Variants in WEE1 observed in about 807,000 individuals in gnomAD.
WEE1 encodes WEE1 G2 checkpoint kinase.
In WEE1, 16 loss-of-function variants were observed where a neutral mutation model predicts 68.8. That is an observed-to-expected ratio of 0.23 (90% confidence interval 0.16 to 0.35). The LOEUF (loss-of-function observed/expected upper bound fraction) is 0.35, where lower values mean the gene tolerates loss of function less well. Among genes scored for constraint, WEE1 ranks in the 10% least tolerant of loss-of-function variants. WEE1 has a pLI of 1.00. For missense variants in WEE1, 651 were observed against 824.1 expected (o/e 0.79, Z 2.57); for synonymous variants, 349 against 318.7 (o/e 1.09, Z -1.01).
intron 10 of WEE1, among the ~76,000 whole-genome samples, chr11:9,587,442 G>T (rs1451124281): frequency 6.6e-6 from 1 of 152,192 alleles, no homozygotes; most frequent in African/African-American, 2.4e-5. Context: ...TAAAAGCTAA[G>T]CGAGCCTATA....
intron 10 of WEE1, 105 bp from the exon 11 acceptor site, chr11:9,588,344 G>T: frequency 1.4e-6 from 1 of 700,804 alleles, no homozygotes; most frequent in African/African-American, 1.8e-5. Flanking sequence ...TTACATCTTA[G>T]AATAATGATG....
At chr11:9,578,506 ACTAT>A (rs1409655376) in intron 5 of WEE1, 2 of 152,286 alleles carry the variant, frequency 1.3e-5, no homozygotes, top group East Asian at 3.8e-4. Flanking sequence ...TATTTATGTA[ACTAT>A]CACAACCTTA....
chr11:9,582,419 A>C (rs1849638126), intron 6 of WEE1, among the ~76,000 whole-genome samples: 1 of 152,220 alleles, frequency 6.6e-6, no homozygotes, highest in Admixed American at 6.5e-5. Context: ...ATTCAAGTTA[A>C]GCATCTTAGG....
chr11:9,585,234 CT>C, intron 6 of WEE1, 23 bp from the exon 7 acceptor site: 1 of 1,532,372 alleles, frequency 6.5e-7, no homozygotes, highest in South Asian at 1.1e-5. Flanking sequence ...ATTAGTTTGG[CT>C]TACATAATTA....
At chr11:9,579,093 G>C (rs1280966662) in intron 5 of WEE1, 2 of 151,934 alleles carry the variant, frequency 1.3e-5, no homozygotes, top group Non-Finnish European at 2.9e-5. Context: ...TTTTAGTAGA[G>C]ATGGGGTTTC....
chr11:9,587,147 A>G (rs1031389155), intron 10 of WEE1, among the ~76,000 whole-genome samples: 5 of 151,980 alleles, frequency 3.3e-5, no homozygotes, highest in African/African-American at 9.7e-5. Context: ...TTTTGTAGAG[A>G]TGGGGTTTTT....
At chr11:9,575,124 G>T in intron 1 of WEE1, 1 of 985,572 alleles carries the variant, frequency 1.0e-6, no homozygotes, top group Non-Finnish European at 1.2e-6. Flanking sequence ...TCTGGACAAG[G>T]TCTTGGCCCA....
Position 9,574,483 on chromosome 11 carries a change from C to A in WEE1, c.550C>A (p.Leu184Ile). 1 of 1,257,894 alleles carries A rather than the reference C, an allele frequency of 7.9e-7. No individual in the cohort carries two copies. The highest frequency in any genetic ancestry group is 2.6e-5 in the South Asian group (1 of 37,838). The allele number at this position is 1,257,894 out of a possible 1,614,324, so 77.9% of individuals were successfully genotyped here. A position where few individuals can be genotyped will look rare whatever the true frequency, so the allele number is the denominator to read the frequency against. Residue 184 changes from leucine to isoleucine, a missense_variant, in exon 1 of 11, where the codon CTC becomes ATC. Physicochemically the swap from Leu to Ile is conservative, Grantham distance 5. Around this residue, in one of 5 missense-constraint regions of WEE1, gnomAD observed 395 missense variants for 378.4 expected, o/e 1.04. Transcript: ENST00000450114. This position sits in a 1 kb window ranked among gnomAD's most constrained non-coding sequence, Gnocchi z 4.9. ...ACACAAGACCTTCCGCAAGCTGCGA[C>A]TCTTCGACACCCCGCACACGCCCAA... is the stretch of plus-strand genomic sequence containing the variant. ...PPHKTFRKLR[L>I]FDTPHTPKSL...
In WEE1 at chr11:9,589,646, T is replaced by C; in HGVS notation, c.*1044T>C. The C allele has an allele frequency of 1.0e-6, 1 of 975,368 alleles. No homozygotes were observed. Among genetic ancestry groups the C allele is most frequent in the Non-Finnish European group, 1.2e-6 (1 of 826,160 alleles). 60.4% of individuals were successfully genotyped at this position (975,368 alleles called of 1,614,324 possible). A position where few individuals can be genotyped will look rare whatever the true frequency, so the allele number is the denominator to read the frequency against. On this transcript the variant is annotated 3_prime_UTR_variant, in exon 11 of 11. Coordinates refer to ENST00000450114, the MANE Select transcript of WEE1 (RefSeq NM_003390.4). ...ACTGGCTAACAGATGTTGAAAAAAATTGTCTGTTTGTTTTCTCATTAATTT... is the reference window on the plus strand; with the variant it reads ...ACTGGCTAACAGATGTTGAAAAAAACTGTCTGTTTGTTTTCTCATTAATTT...
intron 6 of WEE1, among the ~76,000 whole-genome samples, chr11:9,583,908 C>T (rs1432617413): frequency 3.5e-5 from 5 of 144,530 alleles, no homozygotes; most frequent in African/African-American, 1.3e-4. Flanking sequence ...TGCAGTAGTG[C>T]GATCTCGGCT....
chr11:9,575,449 T>A (rs1849555561), intron 1 of WEE1: 1 of 1,018,406 alleles, frequency 9.8e-7, no homozygotes. Context: ...GCTGTACTGT[T>A]TATTGGCCGA....
intron 5 of WEE1, chr11:9,579,530 A>C (rs1029644220): frequency 6.6e-6 from 1 of 152,230 alleles, no homozygotes; most frequent in Non-Finnish European, 1.5e-5. Context: ...GTGTAGAAAA[A>C]TATTGATGGA....
intron 1 of WEE1, chr11:9,575,410 A>C: frequency 1.0e-6 from 1 of 995,588 alleles, no homozygotes; most frequent in Non-Finnish European, 1.2e-6. Context: ...ACTGTTTGTC[A>C]TCAGCCTAGG....
In WEE1 at chr11:9,573,871, C is replaced by G. The variant is rs1023380744; in HGVS notation, c.-63C>G. 5 of 1,179,314 alleles carry G rather than the reference C, an allele frequency of 4.2e-6. No homozygotes were observed. The highest frequency in any genetic ancestry group is 1.6e-5 in the African/African-American group (1 of 62,472). 73.1% of individuals were successfully genotyped at this position (1,179,314 alleles called of 1,614,324 possible). On this transcript the variant is annotated 5_prime_UTR_variant, in exon 1 of 11. Coordinates refer to ENST00000450114, the MANE Select transcript of WEE1 (RefSeq NM_003390.4). The stretch of plus-strand genomic sequence containing the variant: ...CACGTGGCGGACCCGCCCCCAGGCC[C>G]GCAGTGTCCTGGACCCCGCAGGCCT...
Position 9,573,805 on chromosome 11 carries a change from C to G in WEE1, c.-129C>G. 2 of 778,640 alleles carry G rather than the reference C, an allele frequency of 2.6e-6. No individual in the cohort carries two copies. The highest frequency in any genetic ancestry group is 3.3e-6 in the Non-Finnish European group (2 of 601,398). 48.2% of individuals were successfully genotyped at this position (778,640 alleles called of 1,614,324 possible). Reference sequence around the variant, plus strand: ...GCGCCCCGGAGCCGCAGGCCGCCGCCGCGCAGAGACGCCGCGGCTGCGACT... The same window carrying G: ...GCGCCCCGGAGCCGCAGGCCGCCGCGGCGCAGAGACGCCGCGGCTGCGACT... On this transcript the variant is annotated 5_prime_UTR_variant, in exon 1 of 11. Coordinates refer to ENST00000450114, the MANE Select transcript of WEE1 (RefSeq NM_003390.4).
Position 9,576,391 on chromosome 11 carries a change from T to C in WEE1, c.847-96T>C. 1 of 1,551,560 alleles carries C rather than the reference T, an allele frequency of 6.4e-7. No homozygotes were observed. The highest frequency in any genetic ancestry group is 8.7e-7 in the Non-Finnish European group (1 of 1,147,150). On this transcript the variant is annotated intron_variant, in intron 3 of 10. Coordinates refer to ENST00000450114, the MANE Select transcript of WEE1 (RefSeq NM_003390.4). The surrounding 1 kb of genome is among the most constrained non-coding windows in gnomAD (Gnocchi z 4.3). ...ATAAGCATTAACACATAAGGTAGAA[T>C]GGTTTTTAAATTTCACACATAGCCC... is the stretch of plus-strand genomic sequence containing the variant.
intron 6 of WEE1, among the ~76,000 whole-genome samples, chr11:9,584,650 G>A (rs1185244579): frequency 1.3e-5 from 2 of 152,190 alleles, no homozygotes; most frequent in African/African-American, 4.8e-5. Context: ...GCCTTATAGC[G>A]CTACATTAAA....
Position 9,588,840 on chromosome 11 carries a change from T to C in WEE1, c.*238T>C. Reference sequence around the variant, plus strand: ...GTCACTGTTGGATGTTACACCAGCCTTTCCAGGGTTAACCACTGTGGTGGT... The same window carrying C: ...GTCACTGTTGGATGTTACACCAGCCCTTCCAGGGTTAACCACTGTGGTGGT... On this transcript the variant is annotated 3_prime_UTR_variant, in exon 11 of 11. Transcript: ENST00000450114. The C allele has an allele frequency of 9.1e-7, 1 of 1,104,668 alleles. No homozygotes were observed. The highest frequency in any genetic ancestry group is 1.1e-6 in the Non-Finnish European group (1 of 904,534). The allele number at this position is 1,104,668 out of a possible 1,614,324, so 68.4% of individuals were successfully genotyped here. A position where few individuals can be genotyped will look rare whatever the true frequency, so the allele number is the denominator to read the frequency against.
chr11:9,586,800 A>G lies in WEE1; in HGVS notation c.1731A>G (p.Ala577=). ...TGCTGTCCGCTTCTAGAAAGAGTGC[A>G]GAACAATTACGAATAGAATTGAATG... ...SVLLSASRKS[A]EQLRIELNAE... is the part of the protein sequence containing the mutation. Residue 577 remains alanine, a synonymous_variant, in exon 10 of 11, where the codon GCA becomes GCG. Coordinates refer to ENST00000450114, the MANE Select transcript of WEE1 (RefSeq NM_003390.4). The G allele has an allele frequency of 4.3e-6, 7 of 1,613,834 alleles. No individual in the cohort carries two copies. Among genetic ancestry groups the G allele is most frequent in the Non-Finnish European group, 5.9e-6 (7 of 1,179,956 alleles).
Sources: gnomAD v4.1 joint callset for allele counts (sites outside exome capture counted in the v4.1 genomes callset) on GRCh38, gnomAD v4.1.1 for gene constraint, gnomAD v4.1.1 regional missense constraint, Gnocchi (gnomAD v3.1) non-coding constraint, MANE v1.5 for transcripts, NCBI Gene and HGNC (gene_info 2026-07-23, HGNC 2026-07-21) for gene names.